ADAM9: variants seen among roughly 807,000 people sequenced by gnomAD.
ADAM9 encodes ADAM metallopeptidase domain 9, also known as disintegrin and metalloproteinase domain-containing protein 9.
ADAM9 carries 54 observed loss-of-function variants against 108.1 expected under a neutral mutation model. The observed-to-expected ratio is 0.50, with a 90% confidence interval of 0.40 to 0.63. The LOEUF (loss-of-function observed/expected upper bound fraction) is 0.63, where lower values mean the gene tolerates loss of function less well. Ranked by LOEUF, ADAM9 falls within the 20% of genes least tolerant of loss-of-function variation. The pLI is 0.00. For synonymous variants in ADAM9, 316 were observed against 336.0 expected (o/e 0.94, Z 0.65); for missense variants, 830 against 997.7 (o/e 0.83, Z 2.26).
At chr8:39,037,333 G>A (rs1837315066) in intron 11 of ADAM9, among the ~76,000 whole-genome samples, 3 of 145,344 alleles carry the variant, frequency 2.1e-5, no homozygotes, top group Admixed American at 1.4e-4. Context: ...ACAAGCGTAA[G>A]CCACCACGCC....
chr8:39,045,385 G>C (rs372623197), intron 12 of ADAM9, among the ~76,000 whole-genome samples: 1,135 of 15,846 alleles, frequency 0.072, 105 homozygotes, highest in African/African-American at 0.087. Flanking sequence ...TACACCTATA[G>C]GTGTGTGTAC....
chr8:39,040,898 G>A (rs1455444182), intron 11 of ADAM9, among the ~76,000 whole-genome samples: 4 of 152,234 alleles, frequency 2.6e-5, no homozygotes, highest in East Asian at 1.9e-4. Context: ...ATTTCTACAT[G>A]CAAAAGAATG....
rs1839071366 is a variant in ADAM9, at chr8:39,083,045, A to T, written c.2040A>T (p.Gly680=). 6.2e-7 allele frequency: 1 copy of T among 1,613,766 alleles called. No homozygotes were observed. Among genetic ancestry groups the T allele is most frequent in the African/African-American group, 1.3e-5 (1 of 74,900 alleles). ...ATTGTGAGACTAAAGGATACGGAGG[A>T]AGTGTGGACAGTGGACCTACATACA... ...PPNCETKGYG[G]SVDSGPTYNE... The change falls in exon 18 of 22, where the codon GGA becomes GGT. Residue 680 remains glycine (G), a synonymous_variant. Transcript: ENST00000487273.
At position 39,023,145 on chromosome 8, in the gene ADAM9, T is replaced by C. The variant is rs770370581; in HGVS notation, c.745-11T>C. 1 of 1,605,970 alleles carries C rather than the reference T, an allele frequency of 6.2e-7. No homozygotes were observed. On this transcript the variant is annotated splice_polypyrimidine_tract_variant and intron_variant, in intron 8 of 21. Transcript: ENST00000487273. ...ACTATATTTTATATACTTTTATTTC[T>C]TTCTTCCCAGATGTATATTATGTTA...
intron 14 of ADAM9, among the ~76,000 whole-genome samples, chr8:39,056,181 G>T (rs943277769): frequency 4.6e-5 from 7 of 152,074 alleles, no homozygotes; most frequent in African/African-American, 1.7e-4. Flanking sequence ...TTCTCTTACT[G>T]ATAGATATTT....
At chr8:39,014,319 G>A in intron 4 of ADAM9, 1 of 545,770 alleles carries the variant, frequency 1.8e-6, no homozygotes, top group Non-Finnish European at 3.2e-6. Flanking sequence ...GAGAAAATTT[G>A]ATATGTTTTG....
chr8:39,070,899 T>G (rs1838663274), intron 14 of ADAM9, among the ~76,000 whole-genome samples: 1 of 152,254 alleles, frequency 6.6e-6, no homozygotes, highest in African/African-American at 2.4e-5. Context: ...AAGTATTAGC[T>G]GGCAGTGTTT....
At chr8:38,999,312 GCTAA>G (rs1163930209) in intron 1 of ADAM9, among the ~76,000 whole-genome samples, 1 of 141,464 alleles carries the variant, frequency 7.1e-6, no homozygotes, top group Non-Finnish European at 1.5e-5. Flanking sequence ...TTTCCAAACA[GCTAA>G]CTTTCAGTAA....
intron 11 of ADAM9, among the ~76,000 whole-genome samples, chr8:39,034,697 A>G (rs1432893220): frequency 3.3e-5 from 5 of 151,958 alleles, no homozygotes; most frequent in Admixed American, 2.6e-4. Flanking sequence ...GGATTTTTCC[A>G]TTGTCTTTTG....
At chr8:39,011,821 A>C (rs1239486229) in intron 3 of ADAM9, 105 bp downstream of exon 3, 8 of 1,114,708 alleles carry the variant, frequency 7.2e-6, no homozygotes, top group Non-Finnish European at 1.1e-5. Context: ...CCCTGGGATT[A>C]AGCAGATTTA....
intron 2 of ADAM9, among the ~76,000 whole-genome samples, chr8:39,008,538 C>T (rs1836240307): frequency 6.6e-6 from 1 of 152,064 alleles, no homozygotes; most frequent in Admixed American, 6.6e-5. Context: ...AATAGTTAAA[C>T]AAAATTGTAT....
At chr8:39,072,619 G>A (rs545267603) in intron 15 of ADAM9, among the ~76,000 whole-genome samples, 191 of 152,228 alleles carry the variant, frequency 1.3e-3, no homozygotes, top group African/African-American at 4.4e-3. Flanking sequence ...TGTGGCCTGC[G>A]GCCACAGGGC....
chr8:39,000,249 C>T (rs528669583), intron 1 of ADAM9, among the ~76,000 whole-genome samples: 1 of 152,272 alleles, frequency 6.6e-6, no homozygotes, highest in East Asian at 1.9e-4. Context: ...ACCTCAGCCT[C>T]CCAAAGCGCT....
intron 15 of ADAM9, among the ~76,000 whole-genome samples, chr8:39,076,943 C>T (rs1481843592): frequency 6.6e-6 from 1 of 152,048 alleles, no homozygotes; most frequent in Non-Finnish European, 1.5e-5. Flanking sequence ...ATTAGTTAGG[C>T]TGTTGAGCTC....
intron 14 of ADAM9, among the ~76,000 whole-genome samples, chr8:39,067,716 C>T (rs1044907020): frequency 5.3e-5 from 8 of 152,114 alleles, no homozygotes; most frequent in Non-Finnish European, 1.2e-4. Flanking sequence ...TTCCTCTTTT[C>T]CTAATTGAAT....
chr8:39,032,175 TG>T (rs1476845583), intron 11 of ADAM9, among the ~76,000 whole-genome samples: 2 of 152,214 alleles, frequency 1.3e-5, no homozygotes, highest in African/African-American at 4.8e-5. Context: ...GCTCAAACAC[TG>T]TGCTAGGAGA....
At chr8:39,054,698 A>G in intron 13 of ADAM9, 125 bp downstream of exon 13, 1 of 737,516 alleles carries the variant, frequency 1.4e-6, no homozygotes, top group Non-Finnish European at 2.2e-6. Flanking sequence ...GTCATGGGAA[A>G]AATTTTATGC....
At chr8:39,006,075 A>G (rs531439508) in intron 1 of ADAM9, among the ~76,000 whole-genome samples, 2 of 152,348 alleles carry the variant, frequency 1.3e-5, no homozygotes, top group African/African-American at 4.8e-5. Context: ...ACAACAGATC[A>G]GGAACCTCGT....
Position 39,042,089 on chromosome 8 carries a change from G to T in ADAM9, c.1274G>T (p.Gly425Val). The change falls in exon 12 of 22, where the codon GGG becomes GTG. Residue 425 changes from glycine (G) to valine (V), a missense_variant. Transcript: ENST00000487273. ...TGTGGTAATAAGTTGGTGGACGCTG[G>T]GGAAGAGTGTGACTGTGGTACTCCA... The part of the protein sequence containing the change: ...PSCGNKLVDA[G>V]EECDCGTPKE... 1.2e-6 allele frequency: 2 copies of T among 1,613,984 alleles called. No homozygotes were observed. Among genetic ancestry groups the T allele is most frequent in the Non-Finnish European group, 1.7e-6 (2 of 1,179,882 alleles).
Sources: gnomAD v4.1 joint callset for allele counts (sites outside exome capture counted in the v4.1 genomes callset) on GRCh38, gnomAD v4.1.1 for gene constraint, MANE v1.5 for transcripts, NCBI Gene and HGNC (gene_info 2026-07-23, HGNC 2026-07-21) for gene names.